FRMD4A: variants seen among roughly 807,000 people sequenced by gnomAD.
FRMD4A encodes FERM domain-containing protein 4A.
In FRMD4A, 29 loss-of-function variants were observed where a neutral mutation model predicts 129.1. The ratio of observed to expected loss-of-function variants is 0.22; its 90% CI spans 0.17 to 0.31. The LOEUF (loss-of-function observed/expected upper bound fraction) is 0.31, where lower values mean the gene tolerates loss of function less well. Ranked by LOEUF, FRMD4A falls within the 10% of genes least tolerant of loss-of-function variation. The pLI, the probability that FRMD4A is intolerant of heterozygous loss-of-function variation, is 1.00. For synonymous variants in FRMD4A, 634 were observed against 571.6 expected, an observed-to-expected ratio of 1.11 and a Z score of -1.56; for missense variants, 1,272 against 1,375.8, an observed-to-expected ratio of 0.92 and a Z score of 1.19.
At chr10:13,996,234 G>A (rs2095622125) in intron 2 of FRMD4A, among the ~76,000 whole-genome samples, 1 of 152,174 alleles carries the variant, frequency 6.6e-6, no homozygotes. Context: ...ATTAATTGCA[G>A]AGGAACAAAA....
intron 2 of FRMD4A, among the ~76,000 whole-genome samples, chr10:14,296,300 G>A (rs74483259): frequency 0.021 from 3,150 of 152,308 alleles, 94 homozygotes; most frequent in African/African-American, 0.071. Flanking sequence ...CATAGAAAGA[G>A]CTAATATTTG....
intron 2 of FRMD4A, among the ~76,000 whole-genome samples, chr10:13,869,800 A>G (rs1250233643): frequency 6.6e-6 from 1 of 152,190 alleles, no homozygotes; most frequent in Non-Finnish European, 1.5e-5. Flanking sequence ...TTTCGAGTAC[A>G]TTATCAGGAT....
At chr10:13,988,080 C>G (rs1290794457) in intron 2 of FRMD4A, among the ~76,000 whole-genome samples, 1 of 152,164 alleles carries the variant, frequency 6.6e-6, no homozygotes, top group Non-Finnish European at 1.5e-5. Context: ...AAAGCAGTGT[C>G]TCAGGCCCAC....
intron 12 of FRMD4A, among the ~76,000 whole-genome samples, chr10:13,729,100 G>T (rs1265040630): frequency 2.1e-5 from 1 of 48,418 alleles, no homozygotes; most frequent in Non-Finnish European, 5.4e-5. Flanking sequence ...GCCCCCGCCC[G>T]CCCCCGCGGC....
At chr10:13,667,893 C>T (rs1306814850) in intron 17 of FRMD4A, 3 of 152,150 alleles carry the variant, frequency 2.0e-5, no homozygotes, top group Non-Finnish European at 4.4e-5. Context: ...AGAGAGAGCA[C>T]ACATCTTGCC....
chr10:13,740,043 T>A (rs758778256), intron 11 of FRMD4A, 151 bp downstream of exon 11: 5 of 616,336 alleles, frequency 8.1e-6, no homozygotes, highest in African/African-American at 1.8e-5. Context: ...GAGGTTGCAG[T>A]GAGCCAAGAT....
At chr10:14,044,781 T>TA (rs2088148662) in intron 2 of FRMD4A, among the ~76,000 whole-genome samples, 1 of 152,208 alleles carries the variant, frequency 6.6e-6, no homozygotes, top group Admixed American at 6.5e-5. Flanking sequence ...AAGAAAGTAA[T>TA]ACAGCTACCA....
intron 2 of FRMD4A, among the ~76,000 whole-genome samples, chr10:14,268,832 G>A (rs565935086): frequency 7.2e-5 from 11 of 152,196 alleles, no homozygotes; most frequent in Non-Finnish European, 1.3e-4. Context: ...AGGGAGCTAG[G>A]CTAATTTTTC....
intron 2 of FRMD4A, among the ~76,000 whole-genome samples, chr10:13,885,892 C>T (rs1007865848): frequency 6.6e-6 from 1 of 152,170 alleles, no homozygotes; most frequent in Non-Finnish European, 1.5e-5. Context: ...ATGTCCTCAT[C>T]ACCCTCCCAT....
chr10:13,977,030 G>C (rs1194610702), intron 2 of FRMD4A, among the ~76,000 whole-genome samples: 1 of 152,190 alleles, frequency 6.6e-6, no homozygotes, highest in Admixed American at 6.5e-5. Context: ...CTTAGCCTAA[G>C]TCACATCTGT....
chr10:14,139,991 G>A (rs1348413264), intron 2 of FRMD4A, among the ~76,000 whole-genome samples: 2 of 152,088 alleles, frequency 1.3e-5, no homozygotes, highest in East Asian at 1.9e-4. Context: ...TCATATACAC[G>A]TAAATTTTGA....
chr10:13,988,803 T>C (rs1182060832), intron 2 of FRMD4A, among the ~76,000 whole-genome samples: 1 of 152,144 alleles, frequency 6.6e-6, no homozygotes, highest in Non-Finnish European at 1.5e-5. Context: ...CCTACCTACC[T>C]ACCTACCTGA....
At position 13,798,912 on chromosome 10, in the gene FRMD4A, C is replaced by T. The variant is rs2093186741; in HGVS notation, c.207-2324G>A. 3.3e-5 allele frequency among the ~76,000 whole-genome samples: 5 copies of T among 152,216 alleles called. No individual in the cohort carries two copies. The South Asian group carries it at 1.0e-3, about 31-fold the overall frequency. The stretch of plus-strand genomic sequence containing the variant: ...GATATTTCAAACTTCTGTTCCTTAG[C>T]TCATGCTGTTCCTTCGTCCCAGTAG... On this transcript the variant is annotated intron_variant, in intron 4 of 24. Coordinates refer to ENST00000357447, the MANE Select transcript of FRMD4A (RefSeq NM_018027.5).
At chr10:13,712,042 T>A (rs532133842) in intron 12 of FRMD4A, 1 of 152,336 alleles carries the variant, frequency 6.6e-6, no homozygotes, top group Admixed American at 6.5e-5. Flanking sequence ...AAGCAAATCT[T>A]TTTCATCCTG....
At chr10:14,141,144 C>T (rs1278213325) in intron 2 of FRMD4A, among the ~76,000 whole-genome samples, 1 of 152,060 alleles carries the variant, frequency 6.6e-6, no homozygotes, top group African/African-American at 2.4e-5. Context: ...GAGGCAGTAG[C>T]AATCTGGTGC....
At chr10:13,686,484 G>A (rs529735681) in intron 15 of FRMD4A, among the ~76,000 whole-genome samples, 3 of 152,230 alleles carry the variant, frequency 2.0e-5, no homozygotes, top group Non-Finnish European at 4.4e-5. Flanking sequence ...CTAGCATTCA[G>A]AGAATGGGAG....
At chr10:13,847,050 T>C (rs955964581) in intron 3 of FRMD4A, among the ~76,000 whole-genome samples, 1 of 152,136 alleles carries the variant, frequency 6.6e-6, no homozygotes, top group South Asian at 2.1e-4. Flanking sequence ...AAGGATGTCA[T>C]TGATGGGCAC....
intron 2 of FRMD4A, among the ~76,000 whole-genome samples, chr10:14,158,069 T>G (rs1254223071): frequency 6.6e-6 from 1 of 151,956 alleles, no homozygotes; most frequent in African/African-American, 2.4e-5. Flanking sequence ...GAGCGATAGC[T>G]CAGGCTGAAA....
intron 2 of FRMD4A, among the ~76,000 whole-genome samples, chr10:14,166,453 T>C (rs1453606908): frequency 1.3e-5 from 2 of 152,246 alleles, no homozygotes; most frequent in Admixed American, 1.3e-4. Context: ...TTTTCCTGTT[T>C]GCCTAAAGTC....
Sources: allele counts gnomAD v4.1 joint callset (sites outside exome capture counted in the v4.1 genomes callset), GRCh38; gene constraint gnomAD v4.1.1; transcripts MANE v1.5; gene names NCBI Gene and HGNC (gene_info 2026-07-23, HGNC 2026-07-21).